The following PNKD variants were observed in gnomAD, a reference collection of about 807,000 sequenced individuals.
PNKD encodes the protein PNKD metallo-beta-lactamase domain containing, also known as probable thioesterase PNKD.
A neutral mutation model predicts 45.3 loss-of-function variants in PNKD; 36 were observed. The observed-to-expected ratio is 0.80, with a 90% confidence interval of 0.61 to 1.05. The LOEUF (loss-of-function observed/expected upper bound fraction) is 1.05. Among genes scored for constraint, PNKD ranks in the 50% least tolerant of loss-of-function variants. The pLI, the probability that PNKD is intolerant of heterozygous loss-of-function variation, is 0.00. For missense variants in PNKD, 511 were observed against 506.6 expected (o/e 1.01, Z -0.08); for synonymous variants, 197 against 210.1 (o/e 0.94, Z 0.54).
At position 218,339,867 on chromosome 2, in the gene PNKD, C is replaced by G. The variant is rs144856848; in HGVS notation, c.321C>G (p.Gly107=). Residue 107 remains glycine, a synonymous_variant, in exon 3 of 10, where the codon GGC becomes GGG. Coordinates refer to ENST00000273077, the MANE Select transcript of PNKD (RefSeq NM_015488.5). The part of the protein sequence containing the change: ...LRRARNRYPK[G]HSKTQPRLFN... ...GGGCTCGGAATCGCTACCCTAAAGG[C>G]CACTCGAAAACCCAGCCCCGCCTCT... 10 of 1,606,990 alleles carry G rather than the reference C, an allele frequency of 6.2e-6. No individual in the cohort carries two copies. Among genetic ancestry groups the G allele is most frequent in the Non-Finnish European group, 8.5e-6 (10 of 1,176,682 alleles).
intron 2 of PNKD, among the ~76,000 whole-genome samples, chr2:218,324,884 G>A (rs1022857994): frequency 6.6e-6 from 1 of 150,678 alleles, no homozygotes; most frequent in East Asian, 2.0e-4. Context: ...GCAGTAAGCC[G>A]AGATCGCAGC....
At chr2:218,277,516 A>G in intron 2 of PNKD, 1 of 1,607,744 alleles carries the variant, frequency 6.2e-7, no homozygotes, top group Non-Finnish European at 8.5e-7. Flanking sequence ...CTTCAAAATC[A>G]CCACTTCCAG....
intron 2 of PNKD, chr2:218,316,845 G>C (rs1396018677): frequency 6.6e-6 from 1 of 152,244 alleles, no homozygotes; most frequent in Admixed American, 6.5e-5. Flanking sequence ...GTTTTCTTCA[G>C]CCCTGCCCGT....
chr2:218,278,672 G>T, intron 2 of PNKD: 1 of 1,228,848 alleles, frequency 8.1e-7, no homozygotes, highest in South Asian at 1.2e-5. Context: ...GAAGTCTGAG[G>T]GGAAGCAACT....
At chr2:218,333,976 G>A (rs990304632) in intron 2 of PNKD, among the ~76,000 whole-genome samples, 7 of 147,694 alleles carry the variant, frequency 4.7e-5, no homozygotes, top group South Asian at 2.1e-4. Context: ...TTAGCCGGGC[G>A]TGGTGGCGGG....
intron 2 of PNKD, among the ~76,000 whole-genome samples, chr2:218,306,861 T>C (rs549810710): frequency 6.6e-6 from 1 of 152,324 alleles, no homozygotes; most frequent in East Asian, 1.9e-4. Context: ...ATTGGTTTGT[T>C]TGGTCATCTG....
Position 218,310,972 on chromosome 2 carries a change from A to C in PNKD, c.237-28811A>C, listed in dbSNP as rs995926242. ...TGCCTACAGCATTCAGTACAGTAAC[A>C]TGCCGTGCAGGTTTGTGGCCTAGGA... is the stretch of plus-strand genomic sequence containing the variant. On this transcript the variant is annotated intron_variant, in intron 2 of 9. Transcript: ENST00000273077. 3.3e-5 allele frequency among the ~76,000 whole-genome samples: 5 copies of C among 152,216 alleles called. No homozygotes were observed. In the East Asian group the frequency reaches 9.6e-4, roughly 29 times the overall value.
chr2:218,309,661 A>G (rs1693541181), intron 2 of PNKD, among the ~76,000 whole-genome samples: 1 of 151,756 alleles, frequency 6.6e-6, no homozygotes, highest in Non-Finnish European at 1.5e-5. Flanking sequence ...GGCCAGGCAC[A>G]GTGGCTCAGC....
intron 2 of PNKD, among the ~76,000 whole-genome samples, chr2:218,299,259 A>G (rs974524587): frequency 7.2e-5 from 11 of 152,154 alleles, no homozygotes; most frequent in African/African-American, 2.2e-4. Flanking sequence ...CTCCTGCCTC[A>G]GTCTCCTGAG....
At chr2:218,310,885 C>T (rs575440056) in intron 2 of PNKD, among the ~76,000 whole-genome samples, 2 of 152,140 alleles carry the variant, frequency 1.3e-5, no homozygotes, top group Non-Finnish European at 2.9e-5. Flanking sequence ...AGCTACCATG[C>T]GCCCCATGTT....
intron 2 of PNKD, chr2:218,279,683 T>C (rs1254241474): frequency 4.1e-6 from 2 of 482,948 alleles, no homozygotes; most frequent in African/African-American, 2.0e-5. Flanking sequence ...ATGGAGAGGG[T>C]GGGTTACAAG....
At position 218,345,041 on chromosome 2, in the gene PNKD, C is replaced by A; in HGVS notation, c.*60C>A. 7.7e-7 allele frequency: 1 copy of A among 1,304,242 alleles called. No homozygotes were observed. The highest frequency in any genetic ancestry group is 1.5e-5 in the African/African-American group (1 of 67,966). The allele number at this position is 1,304,242 out of a possible 1,614,324, so 80.8% of individuals were successfully genotyped here. On this transcript the variant is annotated 3_prime_UTR_variant, in exon 10 of 10. Coordinates refer to ENST00000273077, the MANE Select transcript of PNKD (RefSeq NM_015488.5). The stretch of plus-strand genomic sequence containing the variant: ...CATGGGGAGGCCGCCACCACCAACA[C>A]CTCATCATCCTTCTCATCGCTAACA...
chr2:218,293,467 A>G lies in PNKD; in HGVS notation c.236+21918A>G. On this transcript the variant is annotated intron_variant, in intron 2 of 9. Coordinates refer to ENST00000273077, the MANE Select transcript of PNKD (RefSeq NM_015488.5). ...GCCTTGCCTGAGTTTCTGTGGTTCC[A>G]AAGTCCAAGTTCTTTCCATGACACC... is the stretch of plus-strand genomic sequence containing the variant. 1.3e-5 allele frequency among the ~76,000 whole-genome samples: 2 copies of G among 152,140 alleles called. 1 individual carries two copies.
In PNKD at chr2:218,344,943, G is replaced by A. The variant is rs936912635; in HGVS notation, c.1120G>A (p.Glu374Lys). Residue 374 changes from glutamate (E) to lysine (K), a missense_variant, in exon 10 of 10, where the codon GAG becomes AAG. By Grantham distance (56) the Glu-to-Lys change is moderately conservative (BLOSUM62 1). Coordinates refer to ENST00000273077, the MANE Select transcript of PNKD (RefSeq NM_015488.5). Reference sequence around the variant, plus strand: ...CTACTCCCGGGCCCAGCTCCTGGAAGAGCTCCGCCGGCTGAAGGATATGCA... The same window carrying A: ...CTACTCCCGGGCCCAGCTCCTGGAAAAGCTCCGCCGGCTGAAGGATATGCA... Reference protein sequence around the residue: ...DDYSRAQLLEELRRLKDMHKS... With the variant: ...DDYSRAQLLEKLRRLKDMHKS... 10 of 1,614,006 alleles carry A rather than the reference G, an allele frequency of 6.2e-6. No homozygotes were observed. The African/African-American group carries it at 1.3e-4, about 22-fold the overall frequency.
At chr2:218,271,888 T>A (rs1690850387) in intron 2 of PNKD, among the ~76,000 whole-genome samples, 3 of 152,184 alleles carry the variant, frequency 2.0e-5, no homozygotes, top group African/African-American at 7.2e-5. Context: ...ATAGTAGTAC[T>A]CAGAAGGCGT....
intron 2 of PNKD, among the ~76,000 whole-genome samples, chr2:218,309,229 C>T (rs1559518920): frequency 6.6e-6 from 1 of 151,770 alleles, no homozygotes. Context: ...ACCAGCCTGG[C>T]CAACATGATG....
intron 2 of PNKD, among the ~76,000 whole-genome samples, chr2:218,306,644 C>T (rs1027800934): frequency 6.6e-5 from 10 of 152,262 alleles, no homozygotes; most frequent in African/African-American, 2.4e-4. Context: ...GCTGGTCATT[C>T]CAAGTCTAGC....
chr2:218,342,428 G>C (rs1694707332), intron 7 of PNKD, among the ~76,000 whole-genome samples: 1 of 152,200 alleles, frequency 6.6e-6, no homozygotes, highest in Non-Finnish European at 1.5e-5. Flanking sequence ...GGCCAGGCGT[G>C]GTGGCTCATG....
chr2:218,281,976 G>C lies in PNKD; in HGVS notation c.236+10427G>C, dbSNP rs921721194. 6 of 1,605,216 alleles carry C rather than the reference G, an allele frequency of 3.7e-6. No individual in the cohort carries two copies. In the African/African-American group the frequency reaches 8.0e-5, roughly 21 times the overall value. ...GGCATCGGGTGGGTGGGGGGCATGG[G>C]CTGTGGGTAGCCAGCAGGGTGACCG... On this transcript the variant is annotated intron_variant, in intron 2 of 9. Transcript: ENST00000273077.
Sources: gnomAD v4.1 joint callset for allele counts (sites outside exome capture counted in the v4.1 genomes callset) on GRCh38, gnomAD v4.1.1 for gene constraint, MANE v1.5 for transcripts, NCBI Gene and HGNC (gene_info 2026-07-23, HGNC 2026-07-21) for gene names.